MPZL1: variants seen among roughly 807,000 people sequenced by gnomAD.
The protein encoded by MPZL1 is myelin protein zero-like protein 1.
In MPZL1, 16 loss-of-function variants were observed where a neutral mutation model predicts 29.3. The observed-to-expected ratio is 0.55, with a 90% CI of 0.37 to 0.83. The LOEUF (loss-of-function observed/expected upper bound fraction) is 0.83, where lower values mean the gene tolerates loss of function less well. Ranked by LOEUF, MPZL1 falls within the 40% of genes least tolerant of loss-of-function variation. MPZL1 has a pLI of 0.00. For missense variants in MPZL1, 279 were observed against 332.9 expected (o/e 0.84, Z 1.26); for synonymous variants, 143 against 132.0 (o/e 1.08, Z -0.57).
intron 1 of MPZL1, among the ~76,000 whole-genome samples, chr1:167,752,931 G>A (rs1358957867): frequency 1.3e-5 from 2 of 152,224 alleles, no homozygotes; most frequent in African/African-American, 2.4e-5. Flanking sequence ...ACCAGGAAGT[G>A]TAGTAGGTGC....
chr1:167,772,343 G>T lies in MPZL1; in HGVS notation c.327G>T (p.Trp109Cys), dbSNP rs1459515451. The T allele has an allele frequency of 6.2e-7, 1 of 1,613,854 alleles. No individual in the cohort carries two copies. The highest frequency in any genetic ancestry group is 1.7e-5 in the Admixed American group (1 of 60,010). Residue 109 changes from tryptophan (W) to cysteine (C), a missense_variant, in exon 3 of 6, where the codon TGG becomes TGT. Trp to Cys is a radical substitution (Grantham distance 215). Transcript: ENST00000359523. The part of the protein sequence containing the change: ...NYPPFKDRIS[W>C]AGDLDKKDAS... ...CACCATTTAAAGACAGAATCAGCTG[G>T]GCTGGAGACCTTGACAAGAAAGATG...
intron 1 of MPZL1, among the ~76,000 whole-genome samples, chr1:167,728,215 T>G (rs9727609): frequency 0.052 from 7,854 of 151,826 alleles, 670 homozygotes; most frequent in African/African-American, 0.18. Context: ...AATTTTTTTG[T>G]ATTTTTAGTA....
At chr1:167,729,587 G>A (rs961802849) in intron 1 of MPZL1, among the ~76,000 whole-genome samples, 1 of 152,146 alleles carries the variant, frequency 6.6e-6, no homozygotes, top group South Asian at 2.1e-4. Flanking sequence ...GAGGACTCAG[G>A]TTCCTAAGAG....
intron 1 of MPZL1, among the ~76,000 whole-genome samples, chr1:167,740,580 G>A (rs1240926106): frequency 6.6e-6 from 1 of 151,976 alleles, no homozygotes; most frequent in African/African-American, 2.4e-5. Context: ...TTTATAGTTT[G>A]ATGTCTGTAT....
chr1:167,769,439 T>C (rs1422379041), intron 2 of MPZL1, among the ~76,000 whole-genome samples: 1 of 152,206 alleles, frequency 6.6e-6, no homozygotes, highest in Non-Finnish European at 1.5e-5. Context: ...GTTCCTCGGC[T>C]GTGATGCAAC....
At chr1:167,741,183 ATT>A (rs1161469215) in intron 1 of MPZL1, among the ~76,000 whole-genome samples, 50 of 130,156 alleles carry the variant, frequency 3.8e-4, no homozygotes, top group Admixed American at 3.9e-4. Flanking sequence ...CGCCTGGCTA[ATT>A]TTTTTTTTTT....
rs1017264380 is a variant in MPZL1, at chr1:167,748,477, T to C, written c.92-17106T>C. On this transcript the variant is annotated intron_variant, in intron 1 of 5. Transcript: ENST00000359523. Reference sequence around the variant, plus strand: ...TTCATGTACATTACCCATTTTTAAATTGTTTAATCTTTGCAATGTTGATGG... The same window carrying C: ...TTCATGTACATTACCCATTTTTAAACTGTTTAATCTTTGCAATGTTGATGG... Among the ~76,000 whole-genome samples the C allele has an allele frequency of 7.2e-5, 11 of 152,354 alleles. No homozygotes were observed. In the East Asian group the frequency reaches 1.7e-3, roughly 24 times the overall value.
At chr1:167,738,027 G>A (rs1053257366) in intron 1 of MPZL1, among the ~76,000 whole-genome samples, 5 of 152,092 alleles carry the variant, frequency 3.3e-5, no homozygotes, top group African/African-American at 1.2e-4. Context: ...CTGGGTTCAC[G>A]CCATTCTCCT....
intron 1 of MPZL1, among the ~76,000 whole-genome samples, chr1:167,730,607 A>G (rs1162241905): frequency 6.6e-6 from 1 of 152,074 alleles, no homozygotes; most frequent in Non-Finnish European, 1.5e-5. Flanking sequence ...CTTCTCACTC[A>G]TACCTCTCCC....
At chr1:167,737,469 C>T (rs530117281) in intron 1 of MPZL1, among the ~76,000 whole-genome samples, 3 of 152,126 alleles carry the variant, frequency 2.0e-5, no homozygotes, top group South Asian at 2.1e-4. Context: ...TCAATAAGAT[C>T]GTAACGTCAG....
intron 1 of MPZL1, among the ~76,000 whole-genome samples, chr1:167,751,410 C>A (rs1660754129): frequency 3.9e-5 from 6 of 152,188 alleles, no homozygotes; most frequent in Admixed American, 2.0e-4. Context: ...TGGCTCACGT[C>A]TGTAATCCCA....
At chr1:167,735,683 G>T (rs1385286688) in intron 1 of MPZL1, among the ~76,000 whole-genome samples, 1 of 152,106 alleles carries the variant, frequency 6.6e-6, no homozygotes, top group African/African-American at 2.4e-5. Flanking sequence ...GTCCAAAGGC[G>T]GTCTGCTGGC....
chr1:167,761,156 T>C (rs886411536), intron 1 of MPZL1, among the ~76,000 whole-genome samples: 8 of 151,888 alleles, frequency 5.3e-5, no homozygotes, highest in Admixed American at 5.2e-4. Context: ...AGGAGAGAAA[T>C]TGGACACAGT....
In MPZL1 at chr1:167,747,432, C is replaced by T. The variant is rs1184877108; in HGVS notation, c.92-18151C>T. ...AGAAACAGGGGTCTCACTATGTTGC[C>T]CAGGCTGGTCTAGAACTCCTAGGCT... On this transcript the variant is annotated intron_variant, in intron 1 of 5. Transcript: ENST00000359523. Among the ~76,000 whole-genome samples, 3 of 152,146 alleles carry T rather than the reference C, an allele frequency of 2.0e-5. No individual in the cohort carries two copies. The South Asian group carries it at 6.2e-4, about 32-fold the overall frequency.
At chr1:167,749,335 G>A (rs1277257606) in intron 1 of MPZL1, among the ~76,000 whole-genome samples, 1 of 152,180 alleles carries the variant, frequency 6.6e-6, no homozygotes, top group Non-Finnish European at 1.5e-5. Context: ...TGTTGTCTGT[G>A]TGTATAAATC....
intron 1 of MPZL1, among the ~76,000 whole-genome samples, chr1:167,761,004 G>A (rs1189811298): frequency 1.3e-5 from 2 of 152,120 alleles, no homozygotes; most frequent in Non-Finnish European, 2.9e-5. Flanking sequence ...TTAGCAGGGA[G>A]TAACTTTCAA....
At chr1:167,731,471 C>G (rs368279274) in intron 1 of MPZL1, among the ~76,000 whole-genome samples, 5 of 138,692 alleles carry the variant, frequency 3.6e-5, no homozygotes, top group African/African-American at 1.4e-4. Flanking sequence ...GAGTCTTGCT[C>G]TGTCGCCCAG....
chr1:167,736,869 C>T (rs1571138097), intron 1 of MPZL1, among the ~76,000 whole-genome samples: 1 of 152,146 alleles, frequency 6.6e-6, no homozygotes, highest in African/African-American at 2.4e-5. Flanking sequence ...TAAGATCCTC[C>T]ATCTCTCCCC....
At chr1:167,772,011 C>T (rs1661260834) in intron 2 of MPZL1, among the ~76,000 whole-genome samples, 1 of 151,748 alleles carries the variant, frequency 6.6e-6, no homozygotes, top group Non-Finnish European at 1.5e-5. Flanking sequence ...CAATCCCAGG[C>T]AGTCGGCAGC....
Sources: gnomAD v4.1 joint callset for allele counts (sites outside exome capture counted in the v4.1 genomes callset) on GRCh38, gnomAD v4.1.1 for gene constraint, MANE v1.5 for transcripts, NCBI Gene and HGNC (gene_info 2026-07-23, HGNC 2026-07-21) for gene names.